The following PAPPA2 variants were observed in gnomAD, a reference collection of about 807,000 sequenced individuals.
The protein encoded by PAPPA2 is pappalysin 2, also known as pappalysin-2.
Under a neutral mutation model 176.4 loss-of-function variants are expected in PAPPA2, and 86 were observed. The ratio of observed to expected loss-of-function variants is 0.49; its 90% CI spans 0.41 to 0.58. The LOEUF (loss-of-function observed/expected upper bound fraction) is 0.58. Among genes scored for constraint, PAPPA2 ranks in the 20% least tolerant of loss-of-function variants. PAPPA2 has a pLI of 0.00. For synonymous variants in PAPPA2, 809 were observed against 852.2 expected, an observed-to-expected ratio of 0.95 and a Z score of 0.88; for missense variants, 2,073 against 2,256.9, an observed-to-expected ratio of 0.92 and a Z score of 1.65.
chr1:176,798,094 G>T (rs1448608627), intron 20 of PAPPA2, among the ~76,000 whole-genome samples: 1 of 152,160 alleles, frequency 6.6e-6, no homozygotes, highest in Non-Finnish European at 1.5e-5. Flanking sequence ...TAGCAGTTAA[G>T]GAGAGATGTC....
At chr1:176,546,645 A>G (rs575776918) in intron 1 of PAPPA2, among the ~76,000 whole-genome samples, 1 of 152,346 alleles carries the variant, frequency 6.6e-6, no homozygotes, top group South Asian at 2.1e-4. Context: ...AGAATGCACG[A>G]CAGTTGAAGC....
chr1:176,503,325 A>C (rs1250373874), intron 1 of PAPPA2, among the ~76,000 whole-genome samples: 4 of 152,172 alleles, frequency 2.6e-5, no homozygotes, highest in Non-Finnish European at 4.4e-5. Context: ...CAGTGAACTC[A>C]CCTGGATAAT....
intron 14 of PAPPA2, among the ~76,000 whole-genome samples, chr1:176,753,269 G>GT (rs1663264714): frequency 6.6e-6 from 1 of 152,188 alleles, no homozygotes. Context: ...CATCCCTGCT[G>GT]TAATCAGTCT....
intron 2 of PAPPA2, among the ~76,000 whole-genome samples, chr1:176,576,054 A>G (rs1652622741): frequency 6.6e-6 from 1 of 152,180 alleles, no homozygotes; most frequent in Non-Finnish European, 1.5e-5. Context: ...ATGAACATCC[A>G]TATTCATCCT....
intron 3 of PAPPA2, among the ~76,000 whole-genome samples, chr1:176,600,171 A>AT (rs1174556827): frequency 1.3e-5 from 2 of 152,204 alleles, no homozygotes; most frequent in Non-Finnish European, 2.9e-5. Flanking sequence ...AAGTTCAGTA[A>AT]TTTTATCTGA....
At chr1:176,644,780 C>T (rs536143264) in intron 3 of PAPPA2, among the ~76,000 whole-genome samples, 3 of 151,828 alleles carry the variant, frequency 2.0e-5, no homozygotes, top group East Asian at 2.0e-4. Context: ...TCAGGAAAAC[C>T]TTCCTGGATA....
intron 6 of PAPPA2, among the ~76,000 whole-genome samples, chr1:176,692,783 T>C (rs1420009343): frequency 3.3e-5 from 5 of 152,198 alleles, no homozygotes; most frequent in Admixed American, 2.0e-4. Flanking sequence ...CTGACTTACG[T>C]AGGTGCTTCT....
intron 4 of PAPPA2, among the ~76,000 whole-genome samples, chr1:176,685,362 A>G (rs1659788434): frequency 6.6e-6 from 1 of 152,166 alleles, no homozygotes; most frequent in African/African-American, 2.4e-5. Context: ...TCCCCATATC[A>G]GGATCAATAC....
intron 12 of PAPPA2, among the ~76,000 whole-genome samples, chr1:176,737,556 ACTTGTCT>A (rs1028249359): frequency 3.3e-5 from 5 of 152,006 alleles, no homozygotes; most frequent in African/African-American, 1.2e-4. Context: ...TTGATCAAAC[ACTTGTCT>A]CTGTTTGCTT....
intron 3 of PAPPA2, among the ~76,000 whole-genome samples, chr1:176,613,089 A>T (rs1459329799): frequency 6.6e-6 from 1 of 152,186 alleles, no homozygotes; most frequent in Non-Finnish European, 1.5e-5. Context: ...GGGAGGGGGA[A>T]GATTGTTGGC....
chr1:176,720,435 T>G (rs1409735302), intron 12 of PAPPA2, among the ~76,000 whole-genome samples: 1 of 152,286 alleles, frequency 6.6e-6, no homozygotes, highest in Non-Finnish European at 1.5e-5. Flanking sequence ...GTTGGAGAAC[T>G]TAGTACAATT....
intron 5 of PAPPA2, chr1:176,691,042 T>C (rs1372402617): frequency 1.0e-6 from 1 of 985,356 alleles, no homozygotes; most frequent in Non-Finnish European, 1.2e-6. Flanking sequence ...TTCCTGGCCC[T>C]CGGAAAAACT....
chr1:176,709,968 A>T lies in PAPPA2; in HGVS notation c.3458-15A>T. ...TGAAAACACTTTTTCTGTGTCACAC[A>T]ATATTTCTTGGCAGGAGAGCCAAGC... On this transcript the variant is annotated splice_polypyrimidine_tract_variant and intron_variant, in intron 10 of 22. Transcript: ENST00000367662. 1.3e-6 allele frequency: 2 copies of T among 1,590,076 alleles called. No homozygotes were observed. Among genetic ancestry groups the T allele is most frequent in the Non-Finnish European group, 1.7e-6 (2 of 1,168,226 alleles).
chr1:176,471,134 T>C lies in PAPPA2; in HGVS notation c.-917+7716T>C, dbSNP rs956793362. 2.0e-5 allele frequency among the ~76,000 whole-genome samples: 3 copies of C among 152,052 alleles called. No individual in the cohort carries two copies. In the East Asian group the frequency reaches 5.8e-4, roughly 29 times the overall value. ...TGTTACTTGGTACAACAAGAACCCA[T>C]ATGGGAGAAGTGAAAAAATAGCAAA... is the stretch of plus-strand genomic sequence containing the variant. On this transcript the variant is annotated intron_variant, in intron 1 of 22. Coordinates refer to ENST00000367662, the MANE Select transcript of PAPPA2 (RefSeq NM_020318.3).
chr1:176,834,449 G>T (rs1209945539), intron 21 of PAPPA2, among the ~76,000 whole-genome samples: 9 of 152,082 alleles, frequency 5.9e-5, no homozygotes, highest in South Asian at 2.1e-4. Context: ...CCTTTTTTCC[G>T]CACATGACAG....
chr1:176,598,627 C>T (rs1007885740), intron 3 of PAPPA2, among the ~76,000 whole-genome samples: 1 of 151,982 alleles, frequency 6.6e-6, no homozygotes, highest in Non-Finnish European at 1.5e-5. Context: ...TTTTCAAATG[C>T]TTTATTTTAC....
intron 1 of PAPPA2, among the ~76,000 whole-genome samples, chr1:176,486,832 A>G (rs1354315642): frequency 1.3e-5 from 2 of 152,196 alleles, no homozygotes; most frequent in African/African-American, 4.8e-5. Context: ...GAGGTCTTGG[A>G]GAGCCCGTGA....
At chr1:176,478,398 C>A (rs1302787508) in intron 1 of PAPPA2, among the ~76,000 whole-genome samples, 1 of 152,204 alleles carries the variant, frequency 6.6e-6, no homozygotes, top group Non-Finnish European at 1.5e-5. Context: ...AGTTGTGTGC[C>A]CCTGGGCAAG....
intron 1 of PAPPA2, among the ~76,000 whole-genome samples, chr1:176,493,730 C>A (rs984101410): frequency 6.6e-6 from 1 of 152,134 alleles, no homozygotes; most frequent in African/African-American, 2.4e-5. Flanking sequence ...ACAAGTGGCT[C>A]AGAAGGCTCT....
Sources: allele counts gnomAD v4.1 joint callset (sites outside exome capture counted in the v4.1 genomes callset), GRCh38; gene constraint gnomAD v4.1.1; transcripts MANE v1.5; gene names NCBI Gene and HGNC (gene_info 2026-07-23, HGNC 2026-07-21).